The following PROM1 variants were observed in gnomAD, a reference collection of about 807,000 sequenced individuals.
PROM1 encodes prominin 1.
Under a neutral mutation model 116.9 loss-of-function variants are expected in PROM1, and 105 were observed. The observed-to-expected ratio is 0.90, with a 90% CI of 0.77 to 1.06. PROM1 has a LOEUF of 1.06. Among genes scored for constraint, PROM1 ranks in the 50% least tolerant of loss-of-function variants. PROM1 has a pLI of 0.00. For missense variants in PROM1, 1,122 were observed against 1,045.2 expected, an observed-to-expected ratio of 1.07 and a Z score of -1.01; for synonymous variants, 393 against 387.0, an observed-to-expected ratio of 1.02 and a Z score of -0.18.
intron 11 of PROM1, among the ~76,000 whole-genome samples, chr4:16,010,479 C>A (rs977009413): frequency 6.6e-6 from 1 of 152,142 alleles, no homozygotes; most frequent in South Asian, 2.1e-4. Flanking sequence ...TGGTCCAAAA[C>A]GTAATCACAT....
chr4:16,031,304 G>A (rs1302027763), intron 5 of PROM1, among the ~76,000 whole-genome samples: 2 of 152,044 alleles, frequency 1.3e-5, no homozygotes, highest in Non-Finnish European at 2.9e-5. Context: ...AAACATGGCT[G>A]TGCAAGTGTC....
At chr4:16,024,944 T>C (rs1730871812) in intron 6 of PROM1, among the ~76,000 whole-genome samples, 1 of 152,224 alleles carries the variant, frequency 6.6e-6, no homozygotes, top group Non-Finnish European at 1.5e-5. Flanking sequence ...AGTCCTTCTA[T>C]AATATGTACT....
chr4:15,992,591 T>TA (rs1560426312), intron 16 of PROM1, among the ~76,000 whole-genome samples, 200 bp from the exon 17 acceptor site: 2 of 152,022 alleles, frequency 1.3e-5, no homozygotes, highest in Admixed American at 6.5e-5. Flanking sequence ...TGTCTCTATT[T>TA]AAAAAAAATT....
At chr4:16,054,637 T>C (rs1241690934) in intron 2 of PROM1, among the ~76,000 whole-genome samples, 1 of 152,114 alleles carries the variant, frequency 6.6e-6, no homozygotes, top group Non-Finnish European at 1.5e-5. Context: ...TACTCATCAT[T>C]AAAAAATAAT....
intron 2 of PROM1, among the ~76,000 whole-genome samples, chr4:16,050,847 G>C (rs909834666): frequency 1.3e-5 from 2 of 152,152 alleles, no homozygotes; most frequent in East Asian, 3.9e-4. Flanking sequence ...TAATGGCATG[G>C]TCAGACTATA....
intron 26 of PROM1, among the ~76,000 whole-genome samples, chr4:15,977,793 T>C (rs149833181): frequency 0.029 from 4,476 of 152,224 alleles, 83 homozygotes; most frequent in Middle Eastern, 0.054. Context: ...AGAGACAAGG[T>C]TTCACCGTGT....
chr4:15,992,973 C>A (rs980713501), intron 16 of PROM1, among the ~76,000 whole-genome samples: 1 of 152,176 alleles, frequency 6.6e-6, no homozygotes, highest in Non-Finnish European at 1.5e-5. Context: ...AGTGCCTGCA[C>A]GTCCCAGGCA....
rs546098940 is a variant in PROM1, at chr4:16,001,154, T to C, written c.1455-535A>G. On this transcript the variant is annotated intron_variant, in intron 13 of 27. Coordinates refer to ENST00000447510, the MANE Select transcript of PROM1 (RefSeq NM_006017.3). ...GTGGAGAGTTGGTGGATGATGGAGATGTAATATAGGAGACACAGGAGGCAT... is the reference window on the plus strand; with the variant it reads ...GTGGAGAGTTGGTGGATGATGGAGACGTAATATAGGAGACACAGGAGGCAT... 2.6e-5 allele frequency among the ~76,000 whole-genome samples: 4 copies of C among 152,022 alleles called. No homozygotes were observed. The East Asian group carries it at 5.8e-4, about 22-fold the overall frequency.
chr4:16,016,894 A>G (rs1187297723), intron 9 of PROM1, among the ~76,000 whole-genome samples: 1 of 152,236 alleles, frequency 6.6e-6, no homozygotes, highest in Non-Finnish European at 1.5e-5. Context: ...CAGGAATGAA[A>G]GAGACATGAC....
intron 13 of PROM1, among the ~76,000 whole-genome samples, chr4:16,004,013 T>C (rs1724560806): frequency 1.3e-5 from 2 of 152,224 alleles, no homozygotes; most frequent in Admixed American, 1.3e-4. Context: ...ATACTCTTTC[T>C]GGTTTCTACA....
intron 18 of PROM1, among the ~76,000 whole-genome samples, chr4:15,990,213 C>T (rs1416917445): frequency 6.6e-6 from 1 of 152,198 alleles, no homozygotes; most frequent in Non-Finnish European, 1.5e-5. Context: ...AAGGTAGATA[C>T]CATTACCCCA....
At position 16,009,110 on chromosome 4, in the gene PROM1, T is replaced by C; in HGVS notation, c.1142-2A>G. On this transcript the variant is annotated splice_acceptor_variant, in intron 11 of 27. Transcript: ENST00000447510. LOFTEE classifies it high-confidence loss of function. ...TGGAATTCAAGACCCTTTTGATACC[T>C]GAAAACAAAGATACCTTTGTTATGC... 3 of 1,611,376 alleles carry C rather than the reference T, an allele frequency of 1.9e-6. No individual in the cohort carries two copies. The highest frequency in any genetic ancestry group is 2.5e-6 in the Non-Finnish European group (3 of 1,178,604).
At chr4:16,043,205 T>G (rs1578184348) in intron 2 of PROM1, among the ~76,000 whole-genome samples, 2 of 152,210 alleles carry the variant, frequency 1.3e-5, no homozygotes, top group African/African-American at 4.8e-5. Context: ...CTGAGCCAAG[T>G]AACATATCCA....
chr4:16,025,940 A>C (rs192957224), intron 5 of PROM1, among the ~76,000 whole-genome samples: 463 of 152,310 alleles, frequency 3.0e-3, no homozygotes, highest in Non-Finnish European at 4.8e-3. Flanking sequence ...GTTTTATTTC[A>C]TCTACAGAAA....
At chr4:16,002,465 G>T (rs16892764) in intron 13 of PROM1, among the ~76,000 whole-genome samples, 2,289 of 152,256 alleles carry the variant, frequency 0.015, 54 homozygotes, top group African/African-American at 0.052. Context: ...CCTCAGAAGG[G>T]TGTGGGCTGA....
chr4:16,065,209 A>G (rs2149529717), intron 2 of PROM1, among the ~76,000 whole-genome samples: 1 of 152,146 alleles, frequency 6.6e-6, no homozygotes, highest in South Asian at 2.1e-4. Context: ...TGCATGCCAT[A>G]TGCCTCCAAG....
chr4:15,995,401 G>C (rs1722078183), intron 15 of PROM1, among the ~76,000 whole-genome samples: 1 of 151,788 alleles, frequency 6.6e-6, no homozygotes, highest in Non-Finnish European at 1.5e-5. Flanking sequence ...AGGAGGAGGA[G>C]GAGGAGAAGA....
chr4:16,070,411 T>A (rs1742545587), intron 2 of PROM1, among the ~76,000 whole-genome samples: 1 of 152,146 alleles, frequency 6.6e-6, no homozygotes, highest in Non-Finnish European at 1.5e-5. Flanking sequence ...TATGATGCAA[T>A]CTCCTGTTTT....
At position 16,006,313 on chromosome 4, in the gene PROM1, G is replaced by GTGT. The variant is rs151170947; in HGVS notation, c.1454+222_1454+224dup. On this transcript the variant is annotated intron_variant, in intron 13 of 27. Coordinates refer to ENST00000447510, the MANE Select transcript of PROM1 (RefSeq NM_006017.3). ...GGTCTATCAAAATGCAAGTAATTTA[G>GTGT]TGTTGTTGTTGTTGTTGTTTGTTTG... 2.4e-3 allele frequency among the ~76,000 whole-genome samples: 368 copies of GTGT among 152,300 alleles called. 1 individual carries two copies. Among genetic ancestry groups the GTGT allele is most frequent in the African/African-American group, 8.1e-3 (338 of 41,560 alleles).
Sources: gnomAD v4.1 joint callset for allele counts (sites outside exome capture counted in the v4.1 genomes callset) on GRCh38, gnomAD v4.1.1 for gene constraint, MANE v1.5 for transcripts, NCBI Gene and HGNC (gene_info 2026-07-23, HGNC 2026-07-21) for gene names.